Variants in PLXNA4 observed in about 807,000 individuals in gnomAD.
PLXNA4 encodes the protein plexin-A4.
In PLXNA4, 44 loss-of-function variants were observed where a neutral mutation model predicts 191.8. The observed-to-expected ratio is 0.23, with a 90% CI of 0.18 to 0.29. The LOEUF (loss-of-function observed/expected upper bound fraction) is 0.29, where lower values mean the gene tolerates loss of function less well. Among genes scored for constraint, PLXNA4 ranks in the 10% least tolerant of loss-of-function variants. The pLI is 1.00. For missense variants in PLXNA4, 1,800 were observed against 2,488.8 expected, an observed-to-expected ratio of 0.72 and a Z score of 5.89; for synonymous variants, 1,082 against 1,009.5, an observed-to-expected ratio of 1.07 and a Z score of -1.36.
intron 1 of PLXNA4, among the ~76,000 whole-genome samples, chr7:132,546,711 CTGAT>C (rs1486730648): frequency 1.3e-5 from 2 of 152,284 alleles, no homozygotes; most frequent in Middle Eastern, 3.4e-3. Flanking sequence ...GCTTACAAAA[CTGAT>C]TGATTATCAG....
rs562418977 is a variant in PLXNA4 at position 132,265,345 on chromosome 7, T to C, written c.1504-24179A>G. On this transcript the variant is annotated intron_variant, in intron 4 of 31. Coordinates refer to ENST00000321063, the MANE Select transcript of PLXNA4 (RefSeq NM_020911.2). ...CCAATTATCAAGCATTTGTTAAGTG[T>C]CTATCCCAAGCTAAGTACTGTGCTA... Among the ~76,000 whole-genome samples, 9 of 152,326 alleles carry C rather than the reference T, an allele frequency of 5.9e-5. No homozygotes were observed. The East Asian group carries it at 1.7e-3, about 29-fold the overall frequency.
chr7:132,228,730 C>T (rs1296621996), intron 5 of PLXNA4, among the ~76,000 whole-genome samples: 1 of 152,248 alleles, frequency 6.6e-6, no homozygotes, highest in African/African-American at 2.4e-5. Context: ...TCCAAACTCA[C>T]ATAAGGTGTT....
intron 3 of PLXNA4, chr7:132,385,241 G>A (rs1236279142): frequency 6.2e-7 from 1 of 1,614,082 alleles, no homozygotes; most frequent in Non-Finnish European, 8.5e-7. Context: ...GTTGCTCTGT[G>A]GGATCGGGGT....
chr7:132,599,682 C>T (rs1171233053), intron 2 of PLXNA4, among the ~76,000 whole-genome samples: 1 of 151,848 alleles, frequency 6.6e-6, no homozygotes, highest in African/African-American at 2.4e-5. Flanking sequence ...AGACTTCTCC[C>T]CCTTTTTTTT....
At chr7:132,132,374 TTCTATTTGTTCTGTTCTGTTC>T (rs1794953511) in intron 31 of PLXNA4, among the ~76,000 whole-genome samples, 2 of 151,072 alleles carry the variant, frequency 1.3e-5, no homozygotes, top group Non-Finnish European at 2.9e-5. Context: ...AGAAAACACA[TTCTATTTGTTCTGTTCTGTTC>T]TGTTCTGTTC....
At chr7:132,384,879 T>C in intron 3 of PLXNA4, 2 of 1,193,274 alleles carry the variant, frequency 1.7e-6, no homozygotes, top group Non-Finnish European at 1.1e-6. Flanking sequence ...TATATTCCGA[T>C]GGGAGAATCA....
At chr7:132,574,245 G>C (rs1585375379) in intron 1 of PLXNA4, among the ~76,000 whole-genome samples, 1 of 152,170 alleles carries the variant, frequency 6.6e-6, no homozygotes, top group Admixed American at 6.5e-5. Flanking sequence ...AAGGAGTGGA[G>C]GTCTACAGGG....
At chr7:132,473,407 C>A (rs1173986776) in intron 3 of PLXNA4, among the ~76,000 whole-genome samples, 1 of 152,154 alleles carries the variant, frequency 6.6e-6, no homozygotes, top group African/African-American at 2.4e-5. Flanking sequence ...AGGGCAGTGG[C>A]GGCAGGTCCT....
At chr7:132,369,294 A>G (rs1177024726) in intron 3 of PLXNA4, among the ~76,000 whole-genome samples, 1 of 152,216 alleles carries the variant, frequency 6.6e-6, no homozygotes, top group Non-Finnish European at 1.5e-5. Context: ...GCTAAGACGT[A>G]TCACCAGACC....
At chr7:132,211,227 C>T (rs1797790957) in intron 9 of PLXNA4, 84 bp from the exon 10 acceptor site, 2 of 1,404,412 alleles carry the variant, frequency 1.4e-6, no homozygotes, top group Admixed American at 2.0e-5. Context: ...CGGATGTTCC[C>T]TGTCTCCACC....
intron 3 of PLXNA4, among the ~76,000 whole-genome samples, chr7:132,312,149 A>AAATAATAATAATAATAAT (rs56273116): frequency 0.06 from 8,982 of 149,410 alleles, 469 homozygotes; most frequent in African/African-American, 0.14. Flanking sequence ...CCTTGAAGGA[A>AAATAATAATAATAATAAT]AATAATAATA....
intron 3 of PLXNA4, among the ~76,000 whole-genome samples, chr7:132,449,389 C>T (rs990493798): frequency 4.6e-5 from 7 of 152,222 alleles, no homozygotes. Context: ...GACAATGAAG[C>T]TGGTGCCACC....
intron 18 of PLXNA4, 107 bp from the exon 19 acceptor site, chr7:132,180,839 T>G (rs1796680377): frequency 6.7e-7 from 1 of 1,499,580 alleles, no homozygotes; most frequent in Non-Finnish European, 8.9e-7. Flanking sequence ...GGTGAGCTGG[T>G]GAAGAAGCCA....
chr7:132,483,315 T>C (rs1431961439), intron 3 of PLXNA4, among the ~76,000 whole-genome samples: 3 of 152,142 alleles, frequency 2.0e-5, no homozygotes. Flanking sequence ...CTATCCAGAG[T>C]CTAGCAGGTG....
intron 3 of PLXNA4, among the ~76,000 whole-genome samples, chr7:132,479,583 C>T (rs771824994): frequency 3.3e-5 from 5 of 152,224 alleles, no homozygotes; most frequent in Non-Finnish European, 7.3e-5. Flanking sequence ...GAATGCCGCC[C>T]GGCAGTGGGT....
intron 3 of PLXNA4, among the ~76,000 whole-genome samples, chr7:132,364,182 A>G (rs770717709): frequency 1.2e-4 from 19 of 152,166 alleles, no homozygotes; most frequent in Non-Finnish European, 2.5e-4. Context: ...GGGAGGGAAC[A>G]ATGGGGAGGA....
intron 3 of PLXNA4, among the ~76,000 whole-genome samples, chr7:132,475,598 C>T (rs1354997775): frequency 1.3e-5 from 2 of 152,082 alleles, no homozygotes; most frequent in Admixed American, 6.5e-5. Flanking sequence ...GGTCCCCCTT[C>T]CCCTGACCCA....
chr7:132,379,233 G>T (rs1036825053), intron 3 of PLXNA4, among the ~76,000 whole-genome samples: 9 of 152,196 alleles, frequency 5.9e-5, no homozygotes, highest in African/African-American at 2.2e-4. Flanking sequence ...GGCAGGACAA[G>T]TGGCTGGGTT....
intron 2 of PLXNA4, among the ~76,000 whole-genome samples, chr7:132,504,918 C>T (rs756478494): frequency 1.7e-4 from 26 of 152,196 alleles, no homozygotes; most frequent in African/African-American, 4.3e-4. Flanking sequence ...TGGCCGATGT[C>T]GCACGAAACA....
Sources: allele counts gnomAD v4.1 joint callset (sites outside exome capture counted in the v4.1 genomes callset), GRCh38; gene constraint gnomAD v4.1.1; transcripts MANE v1.5; gene names NCBI Gene and HGNC (gene_info 2026-07-23, HGNC 2026-07-21).